Variants in GNA11 observed in about 807,000 individuals in gnomAD.
GNA11 encodes the protein guanine nucleotide-binding protein subunit alpha-11.
Under a neutral mutation model 38.2 loss-of-function variants are expected in GNA11, and 8 were observed. That is an observed-to-expected ratio of 0.21 (90% confidence interval 0.12 to 0.38). The LOEUF (loss-of-function observed/expected upper bound fraction) is 0.38. Ranked by LOEUF, GNA11 falls within the 10% of genes least tolerant of loss-of-function variation. The pLI, the probability that GNA11 is intolerant of heterozygous loss-of-function variation, is 1.00. For synonymous variants in GNA11, 211 were observed against 221.4 expected (o/e 0.95, Z 0.42); for missense variants, 268 against 516.3 (o/e 0.52, Z 4.66).
Position 3,110,072 on chromosome 19 carries a change from G to A in GNA11, c.137-77G>A. ...CTGTGCTGGGTGCTGCAGCACGGCA[G>A]GGTCTGGGTAAGAGGGGGCAGCAGC... On this transcript the variant is annotated intron_variant, in intron 1 of 6. Transcript: ENST00000078429. The surrounding 1 kb of genome is among the most constrained non-coding windows in gnomAD (Gnocchi z 5.4). 1 of 1,209,516 alleles carries A rather than the reference G, an allele frequency of 8.3e-7. No individual in the cohort carries two copies. The highest frequency in any genetic ancestry group is 1.2e-6 in the Non-Finnish European group (1 of 854,876). 74.9% of individuals were successfully genotyped at this position (1,209,516 alleles called of 1,614,324 possible).
intron 4 of GNA11, among the ~76,000 whole-genome samples, chr19:3,116,553 C>T (rs144924369): frequency 6.6e-6 from 1 of 152,238 alleles, no homozygotes; most frequent in African/African-American, 2.4e-5. Flanking sequence ...GCGCCTTTGC[C>T]TCTGTTCTCT....
rs200234790 is a variant in GNA11, at chr19:3,094,746, A to G, written c.95A>G (p.Asp32Gly). 6.3e-7 allele frequency: 1 copy of G among 1,588,740 alleles called. No individual in the cohort carries two copies. The highest frequency in any genetic ancestry group is 8.5e-7 in the Non-Finnish European group (1 of 1,169,772). Residue 32 changes from aspartate (D) to glycine (G), a missense_variant, in exon 1 of 7, where the codon GAC becomes GGC. Asp to Gly is a moderately conservative substitution (Grantham distance 94). This residue lies in a region of GNA11 where 151 missense variants were observed against 254.0 expected (regional missense o/e 0.59). Coordinates refer to ENST00000078429, the MANE Select transcript of GNA11 (RefSeq NM_002067.5). The surrounding 1 kb of genome is among the most constrained non-coding windows in gnomAD (Gnocchi z 6.0). Reference sequence around the variant, plus strand: ...GAGATCGAGAAGCAGCTGCGGCGGGACAAGCGCGACGCCCGGCGCGAGCTC... The same window carrying G: ...GAGATCGAGAAGCAGCTGCGGCGGGGCAAGCGCGACGCCCGGCGCGAGCTC... ...NAEIEKQLRR[D>G]KRDARRELKL... is the part of the protein sequence containing the mutation.
At chr19:3,117,013 G>A (rs1215669120) in intron 4 of GNA11, 33 of 152,266 alleles carry the variant, frequency 2.2e-4, no homozygotes, top group Admixed American at 2.2e-3. Flanking sequence ...GGCAGGGATG[G>A]AGCAATGTGG....
chr19:3,123,844 C>G lies in GNA11; in HGVS notation c.*2665C>G, dbSNP rs140467770. 3 of 232,294 alleles carry G rather than the reference C, an allele frequency of 1.3e-5. No individual in the cohort carries two copies. Among genetic ancestry groups the G allele is most frequent in the Non-Finnish European group, 2.6e-5 (3 of 117,524 alleles). 14.4% of individuals were successfully genotyped at this position (232,294 alleles called of 1,614,324 possible). ...CCATTTGAAATGCATGTGTTGTGCGCGTTGGGGATGGGAGGAGGGGCTGAG... is the reference window on the plus strand; with the variant it reads ...CCATTTGAAATGCATGTGTTGTGCGGGTTGGGGATGGGAGGAGGGGCTGAG... On this transcript the variant is annotated 3_prime_UTR_variant, in exon 7 of 7. Coordinates refer to ENST00000078429, the MANE Select transcript of GNA11 (RefSeq NM_002067.5).
chr19:3,111,983 C>T (rs1913786010), intron 2 of GNA11, among the ~76,000 whole-genome samples: 3 of 152,376 alleles, frequency 2.0e-5, no homozygotes, highest in Middle Eastern at 6.8e-3. Flanking sequence ...GGGCTTAGAT[C>T]TCCATCAGCT....
chr19:3,109,227 C>G (rs11880997), intron 1 of GNA11, among the ~76,000 whole-genome samples: 15,281 of 149,850 alleles, frequency 0.1, 1,112 homozygotes, highest in Non-Finnish European at 0.15. Context: ...AGTCTCTGCC[C>G]AGGAGGTGAC....
rs1914086678 is a variant in GNA11 at position 3,121,711 on chromosome 19, T to C, written c.*532T>C. On this transcript the variant is annotated 3_prime_UTR_variant, in exon 7 of 7. Coordinates refer to ENST00000078429, the MANE Select transcript of GNA11 (RefSeq NM_002067.5). ...GACTCGGAGACGGACGTTTTTCCCC[T>C]TTTTTAAGTTATTGACGCCCAGCGC... The C allele has an allele frequency of 8.6e-6, 2 of 231,728 alleles. No individual in the cohort carries two copies. Among genetic ancestry groups the C allele is most frequent in the South Asian group, 1.8e-4 (1 of 5,518 alleles). 14.4% of individuals were successfully genotyped at this position (231,728 alleles called of 1,614,324 possible). A position where few individuals can be genotyped will look rare whatever the true frequency, so the allele number is the denominator to read the frequency against.
chr19:3,094,442 CGCGGGAGTCCGCGGCTGGCGCGGCCCGA>C lies in GNA11; in HGVS notation c.-204_-177del, dbSNP rs1913306391. ...CGGCGGCGCGGGCTGAGTGCGGCCG[CGCGGGAGTCCGCGGCTGGCGCGGCCCGA>C]GCGGGGACCCGGCGGCTCGCCAGGC... On this transcript the variant is annotated 5_prime_UTR_variant, in exon 1 of 7. Coordinates refer to ENST00000078429, the MANE Select transcript of GNA11 (RefSeq NM_002067.5). The surrounding 1 kb of genome is among the most constrained non-coding windows in gnomAD (Gnocchi z 6.0). 2 of 146,926 alleles carry C rather than the reference CGCGGGAGTCCGCGGCTGGCGCGGCCCGA, an allele frequency of 1.4e-5. No homozygotes were observed. Among genetic ancestry groups the C allele is most frequent in the East Asian group, 4.0e-4 (2 of 5,026 alleles). 9.1% of individuals were successfully genotyped at this position (146,926 alleles called of 1,614,324 possible).
chr19:3,101,828 T>G (rs946274906), intron 1 of GNA11, among the ~76,000 whole-genome samples: 14 of 152,128 alleles, frequency 9.2e-5, no homozygotes, highest in Non-Finnish European at 1.9e-4. Flanking sequence ...GTGCGGTGGC[T>G]CATGCCTGTA....
In GNA11 at chr19:3,120,466, A is replaced by G. The variant is rs986288174; in HGVS notation, c.890-523A>G. On this transcript the variant is annotated intron_variant, in intron 6 of 6. Coordinates refer to ENST00000078429, the MANE Select transcript of GNA11 (RefSeq NM_002067.5). The surrounding 1 kb of genome is among the most constrained non-coding windows in gnomAD (Gnocchi z 5.9). ...AGGAGTTACTGGGCGGGTCGCCTGC[A>G]TTGTCCAGGGTGGTGGAGGGGCAGG... Among the ~76,000 whole-genome samples, 1 of 135,942 alleles carries G rather than the reference A, an allele frequency of 7.4e-6. No individual in the cohort carries two copies. The highest frequency in any genetic ancestry group is 1.6e-5 in the Non-Finnish European group (1 of 63,156). The allele number at this position is 135,942 out of a possible 152,430, so 89.2% of individuals were successfully genotyped here.
chr19:3,099,344 C>T (rs553115761), intron 1 of GNA11, among the ~76,000 whole-genome samples: 76 of 152,316 alleles, frequency 5.0e-4, no homozygotes, highest in African/African-American at 1.7e-3. Context: ...GTATGGCTTG[C>T]CCACCTGGGT....
intron 4 of GNA11, chr19:3,115,352 C>G (rs992656864): frequency 5.5e-6 from 2 of 366,660 alleles, no homozygotes; most frequent in Non-Finnish European, 1.0e-5. Context: ...CTGAAGTGAG[C>G]CATGATGGCA....
intron 1 of GNA11, among the ~76,000 whole-genome samples, chr19:3,096,863 G>C (rs1913383844): frequency 6.6e-6 from 1 of 152,232 alleles, no homozygotes; most frequent in South Asian, 2.1e-4. Flanking sequence ...GCCACGCAGA[G>C]AGCCGGGGCT....
At position 3,116,508 on chromosome 19, in the gene GNA11, C is replaced by T. The variant is rs1003342928; in HGVS notation, c.605+1436C>T. Reference sequence around the variant, plus strand: ...TGGCTTGTGGCCGGGTTGCCTCATCCCTGCCCCCATCCTCATGCAGCGTCC... The same window carrying T: ...TGGCTTGTGGCCGGGTTGCCTCATCTCTGCCCCCATCCTCATGCAGCGTCC... On this transcript the variant is annotated intron_variant, in intron 4 of 6. Coordinates refer to ENST00000078429, the MANE Select transcript of GNA11 (RefSeq NM_002067.5). 6.6e-5 allele frequency among the ~76,000 whole-genome samples: 10 copies of T among 152,332 alleles called. 1 individual carries two copies. The South Asian group carries it at 8.3e-4, about 13-fold the overall frequency.
Position 3,113,605 on chromosome 19 carries a change from T to A in GNA11, c.476+121T>A, listed in dbSNP as rs1269113174. On this transcript the variant is annotated intron_variant, in intron 3 of 6. Coordinates refer to ENST00000078429, the MANE Select transcript of GNA11 (RefSeq NM_002067.5). The stretch of plus-strand genomic sequence containing the variant: ...CCTGCCTGCTCGCCGGGGGCAGGGA[T>A]GCGGTGGGCCCGGGCCACCTGGCCG... The A allele has an allele frequency of 1.6e-5, 12 of 732,138 alleles. No individual in the cohort carries two copies. The African/African-American group carries it at 1.8e-4, about 11-fold the overall frequency. 45.4% of individuals were successfully genotyped at this position (732,138 alleles called of 1,614,324 possible).
chr19:3,113,714 A>G (rs1358245482), intron 3 of GNA11, among the ~76,000 whole-genome samples: 2 of 152,136 alleles, frequency 1.3e-5, no homozygotes, highest in African/African-American at 2.4e-5. Flanking sequence ...GCCTGCTTGT[A>G]TGCCTGGCCC....
intron 1 of GNA11, among the ~76,000 whole-genome samples, chr19:3,104,042 G>C (rs1913575151): frequency 6.6e-6 from 1 of 152,066 alleles, no homozygotes; most frequent in Non-Finnish European, 1.5e-5. Flanking sequence ...GGCTGGTCTT[G>C]AACTCCTGAC....
intron 1 of GNA11, among the ~76,000 whole-genome samples, chr19:3,104,285 G>A (rs1826331630): frequency 6.6e-6 from 1 of 152,250 alleles, no homozygotes; most frequent in African/African-American, 2.4e-5. Context: ...CTTGGCCAGC[G>A]GGTCCAGTCG....
chr19:3,098,409 G>C (rs1234019658), intron 1 of GNA11, among the ~76,000 whole-genome samples: 1 of 152,232 alleles, frequency 6.6e-6, no homozygotes, highest in African/African-American at 2.4e-5. Context: ...TGCCTATCAC[G>C]GGCAGCCCTC....
Sources: allele counts gnomAD v4.1 joint callset (sites outside exome capture counted in the v4.1 genomes callset), GRCh38; gene constraint gnomAD v4.1.1; regional missense constraint gnomAD v4.1.1; non-coding constraint Gnocchi (gnomAD v3.1); transcripts MANE v1.5; gene names NCBI Gene and HGNC (gene_info 2026-07-23, HGNC 2026-07-21).